Variants in FGF3 observed in about 807,000 individuals in gnomAD.
FGF3 encodes fibroblast growth factor 3.
Under a neutral mutation model 9.8 loss-of-function variants are expected in FGF3, and 7 were observed. That is an observed-to-expected ratio of 0.72 (90% confidence interval 0.41 to 1.35). FGF3 has a LOEUF of 1.35. FGF3 is among the 40% of genes most tolerant of loss of function. The pLI, the probability that FGF3 is intolerant of heterozygous loss-of-function variation, is 0.01. For synonymous variants in FGF3, 173 were observed against 157.2 expected (o/e 1.10, Z -0.75); for missense variants, 390 against 345.6 (o/e 1.13, Z -1.02).
At position 69,818,717 on chromosome 11, in the gene FGF3, A is replaced by G; in HGVS notation, c.217T>C (p.Tyr73His). The G allele has an allele frequency of 6.7e-7, 1 of 1,485,806 alleles. No homozygotes were observed. Among genetic ancestry groups the G allele is most frequent in the Non-Finnish European group, 8.9e-7 (1 of 1,124,530 alleles). The allele number at this position is 1,485,806 out of a possible 1,614,324, so 92.0% of individuals were successfully genotyped here. Residue 73 changes from tyrosine (Y) to histidine (H), a missense_variant, in exon 1 of 3, where the codon TAC becomes CAC. Coordinates refer to ENST00000334134, the MANE Select transcript of FGF3 (RefSeq NM_005247.4). Reference protein sequence around the residue: ...RVNGSLENSAYSILEITAVEV... With the variant: ...RVNGSLENSAHSILEITAVEV... Reference sequence around the variant, plus strand: ...CCCCGCAGCGTCCGGCACTCACTGTAGGCGCTGTTCTCCAGGCTGCCGTTG... The same window carrying G: ...CCCCGCAGCGTCCGGCACTCACTGTGGGCGCTGTTCTCCAGGCTGCCGTTG...
chr11:69,810,633 G>GA lies in FGF3; in HGVS notation c.391dup (p.Ser131PhefsTer9). The GA allele has an allele frequency of 6.2e-7, 1 of 1,603,078 alleles. No individual in the cohort carries two copies. The highest frequency in any genetic ancestry group is 8.5e-7 in the Non-Finnish European group (1 of 1,172,700). On this transcript the variant is annotated frameshift_variant, in exon 3 of 3. Coordinates refer to ENST00000334134, the MANE Select transcript of FGF3 (RefSeq NM_005247.4). LOFTEE classifies it low-confidence loss of function (END_TRUNC). ...ACTAGACACCGTCCGGTACAGCCGGGAGGCATACGTATTATAGCCCAGCTC... is the reference window on the plus strand; with the variant it reads ...ACTAGACACCGTCCGGTACAGCCGGGAAGGCATACGTATTATAGCCCAGCTC...
At position 69,819,156 on chromosome 11, in the gene FGF3, T is replaced by G; in HGVS notation, c.-223A>C. On this transcript the variant is annotated 5_prime_UTR_variant, in exon 1 of 3. Coordinates refer to ENST00000334134, the MANE Select transcript of FGF3 (RefSeq NM_005247.4). ...GGGAGAGGGAGAGAGGGAACGCGAG[T>G]CCCTTTAATTTCCACCCAGGAGCAA... 2.6e-5 allele frequency: 10 copies of G among 385,526 alleles called. No individual in the cohort carries two copies. Among genetic ancestry groups the G allele is most frequent in the Non-Finnish European group, 3.2e-5 (7 of 217,774 alleles). 23.9% of individuals were successfully genotyped at this position (385,526 alleles called of 1,614,324 possible).
intron 1 of FGF3, chr11:69,817,512 C>T (rs372181674): frequency 1.8e-4 from 28 of 152,284 alleles, no homozygotes; most frequent in African/African-American, 6.5e-4. Flanking sequence ...TGTGCGACTC[C>T]GAGGGGGAGC....
chr11:69,815,343 T>C (rs1245964692), intron 2 of FGF3, among the ~76,000 whole-genome samples: 1 of 151,092 alleles, frequency 6.6e-6, no homozygotes, highest in African/African-American at 2.4e-5. Flanking sequence ...GATGGGTGAA[T>C]GGGTGGATGG....
chr11:69,815,297 A>G (rs148973265), intron 2 of FGF3, among the ~76,000 whole-genome samples: 7,363 of 74,172 alleles, frequency 0.099, 541 homozygotes, highest in Admixed American at 0.32. Context: ...TGGGTGGATG[A>G]GTGGATGGAT....
Position 69,816,339 on chromosome 11 carries a change from C to G in FGF3, c.305G>C (p.Arg102Thr), listed in dbSNP as rs782695249. 4.3e-6 allele frequency: 7 copies of G among 1,613,860 alleles called. No individual in the cohort carries two copies. The Admixed American group carries it at 8.3e-5, about 19-fold the overall frequency. ...FSGRYLAMNK[R>T]GRLYASEHYS... ...ACTCACCGAAGCATAGAGTCGTCCCCTCTTGTTCATGGCCAGGTACCGCCC... is the reference window on the plus strand; with the variant it reads ...ACTCACCGAAGCATAGAGTCGTCCCGTCTTGTTCATGGCCAGGTACCGCCC... Residue 102 changes from arginine (R) to threonine (T), a missense_variant, in exon 2 of 3, where the codon AGG becomes ACG. Coordinates refer to ENST00000334134, the MANE Select transcript of FGF3 (RefSeq NM_005247.4).
rs1856194208 is a variant in FGF3 at position 69,819,006 on chromosome 11, G to C, written c.-73C>G. ...GGCGCCCATGGAAGGGGCGGCAGCC[G>C]GACAGCTGCGAGGTGCTCGGAGCGG... is the stretch of plus-strand genomic sequence containing the variant. On this transcript the variant is annotated 5_prime_UTR_variant, in exon 1 of 3. Transcript: ENST00000334134. 2.9e-6 allele frequency: 3 copies of C among 1,035,760 alleles called. No individual in the cohort carries two copies. The highest frequency in any genetic ancestry group is 1.3e-6 in the Non-Finnish European group (1 of 752,770). 64.2% of individuals were successfully genotyped at this position (1,035,760 alleles called of 1,614,324 possible).
chr11:69,818,639 C>A (rs977254579), intron 1 of FGF3, 75 bp downstream of exon 1: 2 of 1,173,128 alleles, frequency 1.7e-6, no homozygotes, highest in Non-Finnish European at 2.2e-6. Flanking sequence ...CGCGGGGCCC[C>A]GCAGCGCGCC....
chr11:69,812,889 C>T (rs111911794), intron 2 of FGF3, among the ~76,000 whole-genome samples: 408 of 152,266 alleles, frequency 2.7e-3, no homozygotes, highest in Non-Finnish European at 3.7e-3. Context: ...GGCTCAGGCT[C>T]TCCCAAGGTG....
At chr11:69,812,569 G>T (rs940812492) in intron 2 of FGF3, among the ~76,000 whole-genome samples, 2 of 152,154 alleles carry the variant, frequency 1.3e-5, no homozygotes, top group African/African-American at 2.4e-5. Flanking sequence ...CATTACAGGG[G>T]ATAGAACAGT....
chr11:69,818,728 TC>T lies in FGF3; in HGVS notation c.205del (p.Glu69ArgfsTer10). On this transcript the variant is annotated frameshift_variant, in exon 1 of 3. Transcript: ENST00000334134. LOFTEE classifies it high-confidence loss of function. ...CCGGCACTCACTGTAGGCGCTGTTC[TC>T]CAGGCTGCCGTTGACGCGGCCGCTC... Reference protein sequence around the residue: ...HPSGRVNGSLENSAYSILEIT... With the variant: ...HPSGRVNGSLXNSAYSILEIT... 1 of 1,492,244 alleles carries T rather than the reference TC, an allele frequency of 6.7e-7. No homozygotes were observed. The highest frequency in any genetic ancestry group is 8.9e-7 in the Non-Finnish European group (1 of 1,127,588). The allele number at this position is 1,492,244 out of a possible 1,614,324, so 92.4% of individuals were successfully genotyped here.
At chr11:69,812,464 T>C (rs1403313401) in intron 2 of FGF3, among the ~76,000 whole-genome samples, 3 of 152,074 alleles carry the variant, frequency 2.0e-5, no homozygotes, top group Non-Finnish European at 4.4e-5. Context: ...GGAGGCCCAG[T>C]GCCCCCTGGG....
rs539080231 is a variant in FGF3, at chr11:69,816,687, G to C, written c.221-264C>G. ...ACATTCCCACCTGCTGACGCTGCCT[G>C]CACCCTGGCTTTCATTCGAGCCTCA... On this transcript the variant is annotated intron_variant, in intron 1 of 2. Transcript: ENST00000334134. Among the ~76,000 whole-genome samples, 4 of 152,334 alleles carry C rather than the reference G, an allele frequency of 2.6e-5. No individual in the cohort carries two copies. In the East Asian group the frequency reaches 7.7e-4, roughly 29 times the overall value.
chr11:69,818,474 G>C (rs1295331262), intron 1 of FGF3, among the ~76,000 whole-genome samples: 1 of 152,066 alleles, frequency 6.6e-6, no homozygotes, highest in Non-Finnish European at 1.5e-5. Context: ...AGTTCTGCTC[G>C]AACCCCAGCG....
chr11:69,810,725 A>C (rs782499774), intron 2 of FGF3, 25 bp from the exon 3 acceptor site: 3 of 1,552,902 alleles, frequency 1.9e-6, no homozygotes, highest in Non-Finnish European at 2.6e-6. Flanking sequence ...TATCATGGTC[A>C]GTGCCCCGGG....
At chr11:69,817,607 G>T (rs2119934411) in intron 1 of FGF3, 1 of 152,356 alleles carries the variant, frequency 6.6e-6, no homozygotes, top group African/African-American at 2.4e-5. Context: ...CCCACCGTGC[G>T]GCTCCGGAGG....
Position 69,816,985 on chromosome 11 carries a change from G to A in FGF3, c.221-562C>T, listed in dbSNP as rs71467463. 9.2e-3 allele frequency among the ~76,000 whole-genome samples: 1,408 copies of A among 152,318 alleles called. 16 individuals are homozygous for A. The highest frequency in any genetic ancestry group is 0.021 in the Admixed American group (327 of 15,308). ...CCAGATCATGCTGGCAATAGACCTG[G>A]CGGGAGATCATTGTACTCGCCGGGG... On this transcript the variant is annotated intron_variant, in intron 1 of 2. Coordinates refer to ENST00000334134, the MANE Select transcript of FGF3 (RefSeq NM_005247.4).
Position 69,816,408 on chromosome 11 carries a change from G to A in FGF3, c.236C>T (p.Thr79Met), listed in dbSNP as rs1768202816. 1.9e-5 allele frequency: 31 copies of A among 1,613,452 alleles called. No homozygotes were observed. The highest frequency in any genetic ancestry group is 2.5e-5 in the Non-Finnish European group (29 of 1,179,630). ...GGCCACAATGCCCACCTCCACTGCC[G>A]TTATCTCCAAAATACCTAGAAGAAA... ...ENSAYSILEITAVEVGIVAIR... is the reference protein window; with the variant it reads ...ENSAYSILEIMAVEVGIVAIR... The change falls in exon 2 of 3, where the codon ACG becomes ATG. Residue 79 changes from threonine to methionine, a missense_variant. Transcript: ENST00000334134.
intron 1 of FGF3, chr11:69,817,467 C>G (rs1305591547): frequency 2.0e-5 from 3 of 152,344 alleles, no homozygotes; most frequent in African/African-American, 7.2e-5. Context: ...GCCCTCCCCT[C>G]CCCGTGAGCA....
Sources: gnomAD v4.1 joint callset for allele counts (sites outside exome capture counted in the v4.1 genomes callset) on GRCh38, gnomAD v4.1.1 for gene constraint, MANE v1.5 for transcripts, NCBI Gene and HGNC (gene_info 2026-07-23, HGNC 2026-07-21) for gene names.